Variants in ACKR2 observed in about 807,000 individuals in gnomAD.
ACKR2 encodes the protein C-C chemokine receptor D6.
For synonymous variants in ACKR2, 207 were observed against 192.2 expected (o/e 1.08, Z -0.64); for missense variants, 457 against 477.3 (o/e 0.96, Z 0.40).
At chr3:42,824,617 T>C (rs1283087337) in intron 2 of ACKR2, among the ~76,000 whole-genome samples, 1 of 152,204 alleles carries the variant, frequency 6.6e-6, no homozygotes, top group Non-Finnish European at 1.5e-5. Flanking sequence ...TCAGATTTCT[T>C]TTACATTGTA....
intron 2 of ACKR2, among the ~76,000 whole-genome samples, 155 bp downstream of exon 2, chr3:42,819,866 C>A (rs1016229793): frequency 3.3e-5 from 5 of 152,246 alleles, no homozygotes; most frequent in Non-Finnish European, 7.3e-5. Context: ...TCCTCCTGCA[C>A]TTCCTTGAAT....
intron 2 of ACKR2, among the ~76,000 whole-genome samples, chr3:42,823,711 T>C (rs771845543): frequency 4.6e-5 from 7 of 152,220 alleles, no homozygotes; most frequent in Non-Finnish European, 1.0e-4. Context: ...CACAGTTGCA[T>C]AGGATGGCAA....
At chr3:42,841,369 C>T (rs1286320272) in intron 2 of ACKR2, among the ~76,000 whole-genome samples, 1 of 152,172 alleles carries the variant, frequency 6.6e-6, no homozygotes, top group Non-Finnish European at 1.5e-5. Context: ...AAAGAAAATA[C>T]TGAATTTCCA....
chr3:42,847,456 T>G (rs1285498045), intron 2 of ACKR2, among the ~76,000 whole-genome samples: 1 of 152,190 alleles, frequency 6.6e-6, no homozygotes, highest in Non-Finnish European at 1.5e-5. Context: ...TGAGTAAATG[T>G]GGGCTCTAAC....
chr3:42,864,909 G>A lies in ACKR2; in HGVS notation c.407G>A (p.Ser136Asn), dbSNP rs759965855. 51 of 1,613,996 alleles carry A rather than the reference G, an allele frequency of 3.2e-5. No homozygotes were observed. Among genetic ancestry groups the A allele is most frequent in the Non-Finnish European group, 3.7e-5 (44 of 1,180,030 alleles). ...TTTTACAGTGGCATCTTTTTCATTA[G>A]CTGCATGAGCCTGGACAAGTACCTG... is the stretch of plus-strand genomic sequence containing the variant. ...INFYSGIFFI[S>N]CMSLDKYLEI... is the part of the protein sequence containing the mutation. The change falls in exon 3 of 3, where the codon AGC becomes AAC. Residue 136 changes from serine to asparagine, a missense_variant. Physicochemically the swap from Ser to Asn is conservative, Grantham distance 46 (BLOSUM62 1). Coordinates refer to ENST00000422265, the MANE Select transcript of ACKR2 (RefSeq NM_001296.5).
intron 2 of ACKR2, chr3:42,839,072 C>G (rs1701011546): frequency 1.3e-5 from 2 of 152,174 alleles, no homozygotes; most frequent in Admixed American, 1.3e-4. Flanking sequence ...CTCATTTTCT[C>G]CACACCTGGA....
chr3:42,840,233 T>C (rs568851667), intron 2 of ACKR2, among the ~76,000 whole-genome samples: 1 of 133,360 alleles, frequency 7.5e-6, no homozygotes, highest in East Asian at 2.2e-4. Flanking sequence ...GCACACCAGC[T>C]TGGGCGACAG....
intron 2 of ACKR2, chr3:42,851,045 A>G (rs1411862110): frequency 6.6e-6 from 1 of 152,320 alleles, no homozygotes; most frequent in Non-Finnish European, 1.5e-5. Context: ...GATGTTGGGA[A>G]GGCCCTTCAG....
chr3:42,826,416 A>G (rs1700865347), intron 2 of ACKR2, among the ~76,000 whole-genome samples: 1 of 152,096 alleles, frequency 6.6e-6, no homozygotes, highest in Non-Finnish European at 1.5e-5. Context: ...TTTGATTACT[A>G]ATGAAATTCC....
At chr3:42,856,318 G>A in intron 2 of ACKR2, 1 of 698,618 alleles carries the variant, frequency 1.4e-6, no homozygotes, top group Non-Finnish European at 2.6e-6. Flanking sequence ...CCCAAGGGTG[G>A]GGCAGAAGCT....
At chr3:42,861,666 A>G (rs1326154274) in intron 2 of ACKR2, among the ~76,000 whole-genome samples, 1 of 152,172 alleles carries the variant, frequency 6.6e-6, no homozygotes, top group Non-Finnish European at 1.5e-5. Context: ...CTTATCTACC[A>G]CCATCAAGTC....
chr3:42,819,201 G>A (rs1011081115), intron 1 of ACKR2, among the ~76,000 whole-genome samples: 1 of 151,936 alleles, frequency 6.6e-6, no homozygotes, highest in Non-Finnish European at 1.5e-5. Context: ...GGAAGACTTT[G>A]GTCTTTATAA....
chr3:42,847,291 A>T (rs1701108583), intron 2 of ACKR2, among the ~76,000 whole-genome samples: 1 of 152,228 alleles, frequency 6.6e-6, no homozygotes. Flanking sequence ...ACAAAAGAGG[A>T]GATAACACAG....
At chr3:42,834,878 A>C (rs1277136853) in intron 2 of ACKR2, among the ~76,000 whole-genome samples, 6 of 146,406 alleles carry the variant, frequency 4.1e-5, no homozygotes, top group Admixed American at 1.4e-4. Flanking sequence ...TGCCCGGGCA[A>C]ATTTTTTTTT....
In ACKR2 at chr3:42,861,004, A is replaced by G. The variant is rs1009255348; in HGVS notation, c.-37-3462A>G. ...AAAAGCTAGCAGAAGACAAGAAATA[A>G]CTAAGATCAGAGCAGAACTGAAGGA... is the stretch of plus-strand genomic sequence containing the variant. On this transcript the variant is annotated intron_variant, in intron 2 of 2. Transcript: ENST00000422265. Among the ~76,000 whole-genome samples, 6 of 152,326 alleles carry G rather than the reference A, an allele frequency of 3.9e-5. No individual in the cohort carries two copies. The South Asian group carries it at 1.0e-3, about 26-fold the overall frequency.
intron 2 of ACKR2, among the ~76,000 whole-genome samples, chr3:42,829,571 C>T (rs577746080): frequency 1.1e-4 from 17 of 152,280 alleles, no homozygotes; most frequent in Admixed American, 2.6e-4. Context: ...CTAGCTCCCT[C>T]GGGTCACTCA....
chr3:42,817,496 A>G (rs1575374068), intron 1 of ACKR2, among the ~76,000 whole-genome samples: 1 of 152,080 alleles, frequency 6.6e-6, no homozygotes, highest in African/African-American at 2.4e-5. Context: ...ATCAAACCCT[A>G]TGCTCTGGAT....
chr3:42,865,808 G>A lies in ACKR2; in HGVS notation c.*151G>A, dbSNP rs2088430453. 6.6e-6 allele frequency: 4 copies of A among 606,994 alleles called. No homozygotes were observed. Among genetic ancestry groups the A allele is most frequent in the East Asian group, 2.9e-5 (1 of 34,484 alleles). The allele number at this position is 606,994 out of a possible 1,614,324, so 37.6% of individuals were successfully genotyped here. On this transcript the variant is annotated 3_prime_UTR_variant, in exon 3 of 3. Transcript: ENST00000422265. ...GCCATCAGCAGCATTTGCTCGCCCC[G>A]CCTTCTTCCTCCACTTTCTTCACTT...
chr3:42,861,816 C>T, intron 2 of ACKR2, among the ~76,000 whole-genome samples: 1 of 152,132 alleles, frequency 6.6e-6, no homozygotes, highest in East Asian at 1.9e-4. Context: ...ATTCAACACC[C>T]CTTCATGCTA....
Sources: gnomAD v4.1 joint callset for allele counts (sites outside exome capture counted in the v4.1 genomes callset) on GRCh38, gnomAD v4.1.1 for gene constraint, MANE v1.5 for transcripts, NCBI Gene and HGNC (gene_info 2026-07-23, HGNC 2026-07-21) for gene names.